The following ADGRL3 variants were observed in gnomAD, a reference collection of about 807,000 sequenced individuals.
ADGRL3 encodes the protein calcium-independent alpha-latrotoxin receptor 3.
A neutral mutation model predicts 153.5 loss-of-function variants in ADGRL3; 62 were observed. That is an observed-to-expected ratio of 0.40 (90% confidence interval 0.33 to 0.50). ADGRL3 has a LOEUF of 0.50. Among genes scored for constraint, ADGRL3 ranks in the 20% least tolerant of loss-of-function variants. ADGRL3 has a pLI of 0.47. For missense variants in ADGRL3, 1,641 were observed against 1,859.4 expected, an observed-to-expected ratio of 0.88 and a Z score of 2.16; for synonymous variants, 710 against 672.5, an observed-to-expected ratio of 1.06 and a Z score of -0.86.
chr4:61,210,781 C>T (rs978106153), intron 1 of ADGRL3, among the ~76,000 whole-genome samples: 16 of 152,048 alleles, frequency 1.1e-4, no homozygotes, highest in African/African-American at 3.6e-4. Flanking sequence ...GACTTCAAGG[C>T]GTGGACAAAG....
At chr4:61,589,554 TA>T (rs897072474) in intron 5 of ADGRL3, among the ~76,000 whole-genome samples, 1 of 152,102 alleles carries the variant, frequency 6.6e-6, no homozygotes, top group Non-Finnish European at 1.5e-5. Flanking sequence ...CATGTTTTTT[TA>T]AAAGGTATCT....
chr4:61,677,193 G>A, intron 6 of ADGRL3: 1 of 376,184 alleles, frequency 2.7e-6, no homozygotes, highest in Non-Finnish European at 4.9e-6. Flanking sequence ...ATTAATGCAA[G>A]AATATAAAAC....
At chr4:61,262,636 T>C (rs1220787624) in intron 1 of ADGRL3, among the ~76,000 whole-genome samples, 1 of 152,066 alleles carries the variant, frequency 6.6e-6, no homozygotes, top group East Asian at 1.9e-4. Flanking sequence ...TTTATCTTAA[T>C]CGTATTTATT....
At chr4:61,989,549 T>C (rs2099096817) in intron 19 of ADGRL3, among the ~76,000 whole-genome samples, 1 of 152,038 alleles carries the variant, frequency 6.6e-6, no homozygotes, top group Non-Finnish European at 1.5e-5. Flanking sequence ...GTATGTGTAG[T>C]AAATACTGAA....
intron 21 of ADGRL3, among the ~76,000 whole-genome samples, chr4:62,010,406 C>T (rs913732894): frequency 6.6e-5 from 10 of 151,690 alleles, no homozygotes; most frequent in East Asian, 1.9e-4. Context: ...GAATCAGGTA[C>T]GAAGAACAAA....
intron 8 of ADGRL3, among the ~76,000 whole-genome samples, chr4:61,755,400 G>A (rs916853879): frequency 4.6e-5 from 7 of 152,074 alleles, no homozygotes; most frequent in South Asian, 2.1e-4. Flanking sequence ...TGTGTCTTTC[G>A]GCTACATAAA....
chr4:61,522,096 T>C (rs2098534933), intron 4 of ADGRL3, among the ~76,000 whole-genome samples: 3 of 152,134 alleles, frequency 2.0e-5, no homozygotes, highest in African/African-American at 7.2e-5. Context: ...AGCAGGGATA[T>C]AGTGGAGCCA....
At chr4:61,931,262 G>T (rs184115746) in intron 13 of ADGRL3, among the ~76,000 whole-genome samples, 1 of 152,264 alleles carries the variant, frequency 6.6e-6, no homozygotes, top group Non-Finnish European at 1.5e-5. Flanking sequence ...ACCAAATTAT[G>T]AAGATTGCAT....
intron 1 of ADGRL3, among the ~76,000 whole-genome samples, chr4:61,382,320 A>G (rs1016263334): frequency 4.0e-5 from 6 of 151,464 alleles, no homozygotes; most frequent in African/African-American, 1.4e-4. Flanking sequence ...CAAACTAGTA[A>G]CTAAAACTAA....
chr4:61,909,934 T>G (rs1397049283), intron 12 of ADGRL3, among the ~76,000 whole-genome samples, 189 bp downstream of exon 12: 1 of 152,140 alleles, frequency 6.6e-6, no homozygotes, highest in Non-Finnish European at 1.5e-5. Context: ...ACTGTGGTTC[T>G]TAATCTAAAG....
chr4:61,499,520 C>G (rs1213656998), intron 3 of ADGRL3, among the ~76,000 whole-genome samples: 1 of 152,004 alleles, frequency 6.6e-6, no homozygotes, highest in Non-Finnish European at 1.5e-5. Flanking sequence ...AAATTCCTCC[C>G]TTATAATGTT....
rs1747434599 is a variant in ADGRL3, at chr4:62,077,208, TCTAA to T, written c.*6304_*6307del. ...AAAGAAGAGGAAAGTAAAGCAGACT[TCTAA>T]CTATTTAATTTAAACATTGCCATTC... On this transcript the variant is annotated 3_prime_UTR_variant, in exon 27 of 27. Coordinates refer to ENST00000683033, the MANE Select transcript of ADGRL3 (RefSeq NM_001387552.1). The T allele has an allele frequency of 1.3e-5, 2 of 152,018 alleles. No individual in the cohort carries two copies. The highest frequency in any genetic ancestry group is 4.8e-5 in the African/African-American group (2 of 41,522). The allele number at this position is 152,018 out of a possible 1,614,324, so 9.4% of individuals were successfully genotyped here. A position where few individuals can be genotyped will look rare whatever the true frequency, so the allele number is the denominator to read the frequency against.
At chr4:61,297,739 G>C (rs73214602) in intron 1 of ADGRL3, among the ~76,000 whole-genome samples, 2,817 of 150,992 alleles carry the variant, frequency 0.019, 83 homozygotes, top group African/African-American at 0.064. Flanking sequence ...TATCTCAAGA[G>C]ATTCTTGTGT....
intron 2 of ADGRL3, among the ~76,000 whole-genome samples, chr4:61,387,646 C>A (rs1473022154): frequency 1.3e-5 from 2 of 152,098 alleles, no homozygotes; most frequent in Non-Finnish European, 2.9e-5. Context: ...CCTGGCTCAC[C>A]GGTGGTCAGA....
At chr4:61,937,310 G>A (rs962804957) in intron 15 of ADGRL3, among the ~76,000 whole-genome samples, 1 of 151,678 alleles carries the variant, frequency 6.6e-6, no homozygotes. Context: ...CCTCACATTT[G>A]TCTTCAGCAT....
chr4:61,890,242 G>A lies in ADGRL3; in HGVS notation c.1481-2414G>A, dbSNP rs948793361. Among the ~76,000 whole-genome samples, 17 of 152,170 alleles carry A rather than the reference G, an allele frequency of 1.1e-4. No individual in the cohort carries two copies. In the East Asian group the frequency reaches 3.1e-3, roughly 28 times the overall value. ...CAAAAAATTAAAAGTTGCTCAAAAC[G>A]GTCCCTTCAGAAGTACAAATGAGAG... is the stretch of plus-strand genomic sequence containing the variant. On this transcript the variant is annotated intron_variant, in intron 9 of 26. Transcript: ENST00000683033.
intron 9 of ADGRL3, among the ~76,000 whole-genome samples, chr4:61,882,633 T>C (rs2098515194): frequency 6.6e-6 from 1 of 152,186 alleles, no homozygotes; most frequent in Non-Finnish European, 1.5e-5. Flanking sequence ...TCTGTCCTCA[T>C]TTCACACTGC....
chr4:61,568,805 C>G (rs1362167528), intron 4 of ADGRL3, among the ~76,000 whole-genome samples: 2 of 152,012 alleles, frequency 1.3e-5, no homozygotes, highest in African/African-American at 2.4e-5. Flanking sequence ...TCTTCTTTAA[C>G]TCCTTTTTTC....
intron 4 of ADGRL3, among the ~76,000 whole-genome samples, chr4:61,544,142 T>C (rs2098702983): frequency 6.6e-6 from 1 of 152,216 alleles, no homozygotes; most frequent in African/African-American, 2.4e-5. Context: ...AACTTTACTA[T>C]TGAGCAACAT....
Sources: allele counts gnomAD v4.1 joint callset (sites outside exome capture counted in the v4.1 genomes callset), GRCh38; gene constraint gnomAD v4.1.1; transcripts MANE v1.5; gene names NCBI Gene and HGNC (gene_info 2026-07-23, HGNC 2026-07-21).